The following PRLR variants were observed in gnomAD, a reference collection of about 807,000 sequenced individuals.
The protein encoded by PRLR is hPRL receptor.
PRLR carries 13 observed loss-of-function variants against 40.2 expected under a neutral mutation model. The ratio of observed to expected loss-of-function variants is 0.32; its 90% confidence interval spans 0.21 to 0.51. PRLR has a LOEUF of 0.51. Among genes scored for constraint, PRLR ranks in the 20% least tolerant of loss-of-function variants. The pLI is 0.97. For synonymous variants in PRLR, 269 were observed against 278.7 expected (o/e 0.97, Z 0.35); for missense variants, 656 against 747.3 (o/e 0.88, Z 1.42).
At chr5:35,162,285 T>C (rs746473266) in intron 1 of PRLR, among the ~76,000 whole-genome samples, 2 of 152,242 alleles carry the variant, frequency 1.3e-5, no homozygotes, top group South Asian at 4.1e-4. Context: ...TTCACCTTTC[T>C]GCTGGATCAA....
intron 1 of PRLR, among the ~76,000 whole-genome samples, chr5:35,125,637 G>C (rs992268520): frequency 9.2e-5 from 14 of 152,156 alleles, no homozygotes; most frequent in African/African-American, 3.4e-4. Context: ...AATACCATGA[G>C]TGGAAAAAGA....
chr5:35,134,518 C>T (rs1773789518), intron 1 of PRLR, among the ~76,000 whole-genome samples: 1 of 152,216 alleles, frequency 6.6e-6, no homozygotes, highest in African/African-American at 2.4e-5. Context: ...CTAACAACCA[C>T]TCATCAGTGG....
intron 1 of PRLR, among the ~76,000 whole-genome samples, chr5:35,186,198 A>G (rs1360552092): frequency 6.6e-6 from 1 of 152,234 alleles, no homozygotes; most frequent in African/African-American, 2.4e-5. Flanking sequence ...TCACACATTG[A>G]AAGGACAATA....
At position 35,086,287 on chromosome 5, in the gene PRLR, C is replaced by T. The variant is rs763133065; in HGVS notation, c.124G>A (p.Glu42Lys). The T allele has an allele frequency of 2.7e-5, 43 of 1,613,892 alleles. No individual in the cohort carries two copies. In the South Asian group the frequency reaches 4.7e-4, roughly 18 times the overall value. Residue 42 changes from glutamate (E) to lysine (K), a missense_variant, in exon 4 of 10, where the codon GAA becomes AAA. Transcript: ENST00000618457. Reference protein sequence around the residue: ...EIFKCRSPNKETFTCWWRPGT... With the variant: ...EIFKCRSPNKKTFTCWWRPGT... Reference sequence around the variant, plus strand: ...GGCCTCCACCAGCAGGTGAATGTTTCCTTATTGGGAGAACGACATTTAAAG... The same window carrying T: ...GGCCTCCACCAGCAGGTGAATGTTTTCTTATTGGGAGAACGACATTTAAAG...
chr5:35,122,577 G>A (rs1773327237), intron 1 of PRLR, among the ~76,000 whole-genome samples: 2 of 152,084 alleles, frequency 1.3e-5, no homozygotes, highest in African/African-American at 4.8e-5. Context: ...CTGACAAATT[G>A]TCAGATAAAC....
intron 1 of PRLR, among the ~76,000 whole-genome samples, chr5:35,177,978 CCTGT>C (rs1216957970): frequency 4.0e-5 from 6 of 151,734 alleles, no homozygotes; most frequent in African/African-American, 1.5e-4. Context: ...CTGGTTATTG[CCTGT>C]CTTTTTTTTT....
In PRLR at chr5:35,114,164, C is replaced by T. The variant is rs115325406; in HGVS notation, c.-44+3897G>A. On this transcript the variant is annotated intron_variant, in intron 2 of 9. Transcript: ENST00000618457. ...GTAGGCACACACTTTGGAGCTGACA[C>T]ATTTAGGGACTTGGACAGGTACCAA... Among the ~76,000 whole-genome samples the T allele has an allele frequency of 4.3e-3, 650 of 152,262 alleles. 11 individuals are homozygous for T. Among genetic ancestry groups the T allele is most frequent in the African/African-American group, 0.015 (628 of 41,550 alleles).
At chr5:35,199,947 A>G (rs1354213130) in intron 1 of PRLR, among the ~76,000 whole-genome samples, 1 of 152,214 alleles carries the variant, frequency 6.6e-6, no homozygotes, top group African/African-American at 2.4e-5. Flanking sequence ...GTTGATCTCA[A>G]TCTTGTCCCC....
In PRLR at chr5:35,084,351, G is replaced by C. The variant is rs917144118; in HGVS notation, c.373+119C>G. The stretch of plus-strand genomic sequence containing the variant: ...TGTTCTGTTGACAAGCATATCGTGA[G>C]TTTTCTCATCTTTCTTTTTGGGGAT... On this transcript the variant is annotated intron_variant, in intron 5 of 9. Coordinates refer to ENST00000618457, the MANE Select transcript of PRLR (RefSeq NM_000949.7). 7 of 1,029,352 alleles carry C rather than the reference G, an allele frequency of 6.8e-6. No homozygotes were observed. In the African/African-American group the frequency reaches 1.2e-4, roughly 17 times the overall value. The allele number at this position is 1,029,352 out of a possible 1,614,324, so 63.8% of individuals were successfully genotyped here.
intron 2 of PRLR, among the ~76,000 whole-genome samples, chr5:35,108,354 G>A (rs977440798): frequency 1.6e-4 from 24 of 152,282 alleles, no homozygotes; most frequent in African/African-American, 5.5e-4. Flanking sequence ...ATTCAACATA[G>A]TATTGGAAGT....
chr5:35,082,655 C>T (rs941245052), intron 5 of PRLR, among the ~76,000 whole-genome samples: 2 of 152,148 alleles, frequency 1.3e-5, no homozygotes, highest in Admixed American at 1.3e-4. Context: ...AAATATTACT[C>T]AACAACAAAG....
chr5:35,125,940 G>A (rs1040186931), intron 1 of PRLR, among the ~76,000 whole-genome samples: 2 of 152,114 alleles, frequency 1.3e-5, no homozygotes, highest in Non-Finnish European at 2.9e-5. Flanking sequence ...TCACTCTTGG[G>A]CAACACAGCA....
intron 2 of PRLR, among the ~76,000 whole-genome samples, chr5:35,109,800 A>T (rs933583958): frequency 2.6e-5 from 4 of 152,180 alleles, no homozygotes; most frequent in Non-Finnish European, 2.9e-5. Context: ...ATTGTGGAAG[A>T]CAGCGTGGCG....
chr5:35,158,580 C>T (rs1774578055), intron 1 of PRLR, among the ~76,000 whole-genome samples: 1 of 152,090 alleles, frequency 6.6e-6, no homozygotes, highest in South Asian at 2.1e-4. Flanking sequence ...GCTTACCTTG[C>T]CCAATGAAGG....
intron 1 of PRLR, among the ~76,000 whole-genome samples, chr5:35,139,912 G>T (rs1253081264): frequency 7.2e-6 from 1 of 139,204 alleles, no homozygotes; most frequent in Non-Finnish European, 1.5e-5. Flanking sequence ...AAAAAATATA[G>T]ATGTTAAAAT....
chr5:35,122,054 C>A (rs1256438578), intron 1 of PRLR, among the ~76,000 whole-genome samples: 1 of 152,102 alleles, frequency 6.6e-6, no homozygotes. Context: ...CATGGTAATT[C>A]ATCACAAGAC....
chr5:35,161,918 A>C (rs1774685965), intron 1 of PRLR, among the ~76,000 whole-genome samples: 1 of 152,212 alleles, frequency 6.6e-6, no homozygotes, highest in Admixed American at 6.5e-5. Context: ...TCTTTTCCAA[A>C]AGTCTTGTGA....
intron 2 of PRLR, 24 bp from the exon 3 acceptor site, chr5:35,089,687 C>G: frequency 6.5e-7 from 1 of 1,550,022 alleles, no homozygotes; most frequent in Non-Finnish European, 8.9e-7. Flanking sequence ...TAGCAGGTAA[C>G]TTTTGTGAAA....
At chr5:35,159,097 C>G (rs947502297) in intron 1 of PRLR, among the ~76,000 whole-genome samples, 1 of 152,090 alleles carries the variant, frequency 6.6e-6, no homozygotes, top group African/African-American at 2.4e-5. Flanking sequence ...AGTGGGGTGT[C>G]ATGTTCTACA....
Sources: gnomAD v4.1 joint callset for allele counts (sites outside exome capture counted in the v4.1 genomes callset) on GRCh38, gnomAD v4.1.1 for gene constraint, MANE v1.5 for transcripts, NCBI Gene and HGNC (gene_info 2026-07-23, HGNC 2026-07-21) for gene names.